Variants in FSTL1 observed in about 807,000 individuals in gnomAD.
FSTL1 encodes the protein follistatin-related protein 1.
FSTL1 carries 24 observed loss-of-function variants against 45.9 expected under a neutral mutation model. The observed-to-expected ratio is 0.52, with a 90% CI of 0.38 to 0.74. The LOEUF (loss-of-function observed/expected upper bound fraction) is 0.74. Among genes scored for constraint, FSTL1 ranks in the 30% least tolerant of loss-of-function variants. FSTL1 has a pLI of 0.00. For missense variants in FSTL1, 340 were observed against 381.8 expected (o/e 0.89, Z 0.91); for synonymous variants, 120 against 137.6 (o/e 0.87, Z 0.89).
chr3:120,435,126 C>G (rs536609774), intron 2 of FSTL1, among the ~76,000 whole-genome samples: 1 of 152,064 alleles, frequency 6.6e-6, no homozygotes, highest in Admixed American at 6.6e-5. Flanking sequence ...GGCTGAGGCA[C>G]GAGAATTGCT....
intron 2 of FSTL1, among the ~76,000 whole-genome samples, chr3:120,428,912 G>C (rs1937430600): frequency 6.6e-6 from 1 of 152,232 alleles, no homozygotes; most frequent in South Asian, 2.1e-4. Flanking sequence ...AAAGCTAAAT[G>C]AAGTCTCCAT....
chr3:120,407,734 A>G (rs1364822592), intron 6 of FSTL1, among the ~76,000 whole-genome samples: 2 of 152,202 alleles, frequency 1.3e-5, no homozygotes, highest in Admixed American at 1.3e-4. Flanking sequence ...GTAGAAAATG[A>G]AACCTGTTTT....
intron 2 of FSTL1, among the ~76,000 whole-genome samples, chr3:120,438,667 C>G (rs1191012049): frequency 6.6e-6 from 1 of 152,266 alleles, no homozygotes; most frequent in East Asian, 1.9e-4. Flanking sequence ...AATAGGACTT[C>G]AAAGCTGCAT....
chr3:120,434,341 G>A (rs924575798), intron 2 of FSTL1, among the ~76,000 whole-genome samples: 1 of 152,174 alleles, frequency 6.6e-6, no homozygotes, highest in African/African-American at 2.4e-5. Flanking sequence ...CCATGCTGAT[G>A]GTCCATTCTA....
chr3:120,426,412 T>G (rs912967302), intron 2 of FSTL1, among the ~76,000 whole-genome samples: 1 of 148,472 alleles, frequency 6.7e-6, no homozygotes, highest in Non-Finnish European at 1.5e-5. Flanking sequence ...CCAAGTGGAA[T>G]GTAGGATTTA....
chr3:120,406,955 ATACCT>A (rs1272101969), intron 6 of FSTL1, among the ~76,000 whole-genome samples: 1 of 152,166 alleles, frequency 6.6e-6, no homozygotes, highest in Non-Finnish European at 1.5e-5. Flanking sequence ...TGTTTCCTAT[ATACCT>A]TACACATATA....
At chr3:120,422,604 G>T (rs181758801) in intron 2 of FSTL1, among the ~76,000 whole-genome samples, 141 of 152,242 alleles carry the variant, frequency 9.3e-4, no homozygotes, top group African/African-American at 3.3e-3. Flanking sequence ...GGTCAGTATG[G>T]CCAGGCTCCA....
intron 2 of FSTL1, among the ~76,000 whole-genome samples, chr3:120,430,690 A>C (rs2107665994): frequency 6.6e-6 from 1 of 152,366 alleles, no homozygotes; most frequent in East Asian, 1.9e-4. Flanking sequence ...GAAATAGATG[A>C]AATCTATAAG....
intron 2 of FSTL1, among the ~76,000 whole-genome samples, chr3:120,418,563 G>C (rs1937226006): frequency 6.6e-6 from 1 of 152,192 alleles, no homozygotes; most frequent in African/African-American, 2.4e-5. Flanking sequence ...GTTTATATTT[G>C]ATTTATTTTC....
At chr3:120,450,089 C>A (rs1247872382) in intron 2 of FSTL1, among the ~76,000 whole-genome samples, 1 of 152,086 alleles carries the variant, frequency 6.6e-6, no homozygotes, top group Non-Finnish European at 1.5e-5. Flanking sequence ...AAGAGCAGAG[C>A]AATGGATCTT....
chr3:120,422,779 C>T (rs1358126257), intron 2 of FSTL1, among the ~76,000 whole-genome samples: 2 of 151,854 alleles, frequency 1.3e-5, no homozygotes, highest in African/African-American at 2.4e-5. Context: ...ACTGTAACTT[C>T]CACCTCCCGG....
At chr3:120,419,097 C>G (rs572188611) in intron 2 of FSTL1, 39 of 152,396 alleles carry the variant, frequency 2.6e-4, no homozygotes, top group African/African-American at 9.4e-4. Flanking sequence ...GGCAATCTCT[C>G]TCTGTCTTGC....
At chr3:120,409,382 A>G (rs1231431496) in intron 6 of FSTL1, 150 bp downstream of exon 6, 1 of 701,594 alleles carries the variant, frequency 1.4e-6, no homozygotes, top group Non-Finnish European at 2.4e-6. Flanking sequence ...GGCAACTTTC[A>G]CAGCTTCATG....
chr3:120,426,175 A>G (rs998875949), intron 2 of FSTL1, among the ~76,000 whole-genome samples: 14 of 152,042 alleles, frequency 9.2e-5, no homozygotes, highest in Admixed American at 9.2e-4. Flanking sequence ...AAAAATTCCC[A>G]CACACCTAAA....
chr3:120,437,439 T>G (rs1937582426), intron 2 of FSTL1, among the ~76,000 whole-genome samples: 1 of 152,176 alleles, frequency 6.6e-6, no homozygotes, highest in African/African-American at 2.4e-5. Flanking sequence ...CAGTATAACA[T>G]AAGTCAAACA....
rs1428669366 is a variant in FSTL1, at chr3:120,393,011, T to A, written c.*3941A>T. 1 of 152,190 alleles carries A rather than the reference T, an allele frequency of 6.6e-6. No individual in the cohort carries two copies. Among genetic ancestry groups the A allele is most frequent in the African/African-American group, 2.4e-5 (1 of 41,458 alleles). The allele number at this position is 152,190 out of a possible 1,614,324, so 9.4% of individuals were successfully genotyped here. A position where few individuals can be genotyped will look rare whatever the true frequency, so the allele number is the denominator to read the frequency against. ...ATGTTGCACTTCCTGAATACATACA[T>A]ACTATAACAGCAGAAAAAGTTTTCC... On this transcript the variant is annotated 3_prime_UTR_variant, in exon 11 of 11. Coordinates refer to ENST00000295633, the MANE Select transcript of FSTL1 (RefSeq NM_007085.5).
chr3:120,420,361 A>C (rs1380232600), intron 2 of FSTL1, among the ~76,000 whole-genome samples: 1 of 152,180 alleles, frequency 6.6e-6, no homozygotes, highest in African/African-American at 2.4e-5. Context: ...AATTGATTTG[A>C]GTGGGGGTAG....
rs1936620875 is a variant in FSTL1 at position 120,392,946 on chromosome 3, T to C, written c.*4006A>G. 6.6e-6 allele frequency: 1 copy of C among 152,212 alleles called. No homozygotes were observed. Among genetic ancestry groups the C allele is most frequent in the Non-Finnish European group, 1.5e-5 (1 of 68,038 alleles). The allele number at this position is 152,212 out of a possible 1,614,324, so 9.4% of individuals were successfully genotyped here. ...CACAATTCGTAATATTAAATTTTGA[T>C]GAAAGGAAACTTAGCTTCTGAATTA... On this transcript the variant is annotated 3_prime_UTR_variant, in exon 11 of 11. Coordinates refer to ENST00000295633, the MANE Select transcript of FSTL1 (RefSeq NM_007085.5).
Position 120,420,692 on chromosome 3 carries a change from A to C in FSTL1, c.64-4665T>G, listed in dbSNP as rs143699499. 8.4e-4 allele frequency among the ~76,000 whole-genome samples: 128 copies of C among 152,302 alleles called. 1 individual carries two copies. Among genetic ancestry groups the C allele is most frequent in the African/African-American group, 2.8e-3 (118 of 41,564 alleles). On this transcript the variant is annotated intron_variant, in intron 2 of 10. Transcript: ENST00000295633. ...GCACAGCAATTCTGGTTGATCTGTA[A>C]TTTTACTGTCATTTTTGATTCTTTT...
Sources: gnomAD v4.1 joint callset for allele counts (sites outside exome capture counted in the v4.1 genomes callset) on GRCh38, gnomAD v4.1.1 for gene constraint, MANE v1.5 for transcripts, NCBI Gene and HGNC (gene_info 2026-07-23, HGNC 2026-07-21) for gene names.